The following CLMN variants were observed in gnomAD, a reference collection of about 807,000 sequenced individuals.
CLMN encodes calmin (calponin-like, transmembrane).
Under a neutral mutation model 92.7 loss-of-function variants are expected in CLMN, and 57 were observed. That is an observed-to-expected ratio of 0.61 (90% CI 0.50 to 0.77). The LOEUF (loss-of-function observed/expected upper bound fraction) is 0.77, where lower values mean the gene tolerates loss of function less well. Ranked by LOEUF, CLMN falls within the 30% of genes least tolerant of loss-of-function variation. The pLI is 0.00. For missense variants in CLMN, 1,158 were observed against 1,237.5 expected (o/e 0.94, Z 0.96); for synonymous variants, 466 against 470.6 (o/e 0.99, Z 0.13).
chr14:95,308,986 C>T (rs916683203), intron 1 of CLMN, among the ~76,000 whole-genome samples: 32 of 152,066 alleles, frequency 2.1e-4, no homozygotes, highest in Admixed American at 1.2e-3. Context: ...TTACTGGTTT[C>T]GTAAACCTAC....
intron 1 of CLMN, among the ~76,000 whole-genome samples, chr14:95,235,813 G>C (rs996795926): frequency 8.5e-5 from 13 of 152,176 alleles, no homozygotes; most frequent in African/African-American, 2.9e-4. Flanking sequence ...GCTTGGGAGA[G>C]GGGAGGGAGA....
At chr14:95,245,249 TA>T (rs1898487041) in intron 1 of CLMN, among the ~76,000 whole-genome samples, 2 of 36,940 alleles carry the variant, frequency 5.4e-5, no homozygotes, top group Non-Finnish European at 4.1e-5. Flanking sequence ...TATATATATA[TA>T]TATAATATAT....
chr14:95,226,390 T>C lies in CLMN; in HGVS notation c.145-2535A>G, dbSNP rs377304071. ...AGATGCAGTTTTTTTTTTCTGAATA[T>C]TTTTTATCTGCTGTTGGTTGAAGCC... On this transcript the variant is annotated intron_variant, in intron 2 of 12. Coordinates refer to ENST00000298912, the MANE Select transcript of CLMN (RefSeq NM_024734.4). 7.9e-5 allele frequency among the ~76,000 whole-genome samples: 12 copies of C among 152,232 alleles called. No individual in the cohort carries two copies. In the South Asian group the frequency reaches 1.5e-3, roughly 18 times the overall value.
chr14:95,243,868 A>G (rs1354420862), intron 1 of CLMN, among the ~76,000 whole-genome samples: 1 of 152,096 alleles, frequency 6.6e-6, no homozygotes, highest in African/African-American at 2.4e-5. Flanking sequence ...ATCTCATGTC[A>G]AATTGTGATC....
Position 95,203,450 on chromosome 14 carries a change from C to T in CLMN, c.1899G>A (p.Gln633=), listed in dbSNP as rs776931539. ...QVKMDKHEPH[Q]DSGEEAEGCP... is the part of the protein sequence containing the mutation. ...AGCCTTCAGCTTCTTCTCCGGAGTC[C>T]TGATGAGGTTCATGTTTGTCCATCT... Residue 633 remains glutamine, a synonymous_variant, in exon 9 of 13, where the codon CAG becomes CAA. Transcript: ENST00000298912. The T allele has an allele frequency of 3.1e-6, 5 of 1,614,042 alleles. No homozygotes were observed. The Admixed American group carries it at 6.7e-5, about 22-fold the overall frequency.
intron 1 of CLMN, among the ~76,000 whole-genome samples, chr14:95,307,221 C>G (rs1901324738): frequency 6.6e-6 from 1 of 152,208 alleles, no homozygotes; most frequent in Non-Finnish European, 1.5e-5. Context: ...AAATCCAACT[C>G]TGCCAAACCC....
rs148364081 is a variant in CLMN at position 95,313,690 on chromosome 14, T to C, written c.82+6021A>G. On this transcript the variant is annotated intron_variant, in intron 1 of 12. Coordinates refer to ENST00000298912, the MANE Select transcript of CLMN (RefSeq NM_024734.4). ...AAGAAAAAAAATTTATAAAAAGGTT[T>C]CTATGGGAACAGGGAGTTCACTTTT... is the stretch of plus-strand genomic sequence containing the variant. Among the ~76,000 whole-genome samples, 749 of 151,884 alleles carry C rather than the reference T, an allele frequency of 4.9e-3. 7 individuals are homozygous for C. Among genetic ancestry groups the C allele is most frequent in the African/African-American group, 0.013 (527 of 41,478 alleles).
rs1396833820 is a variant in CLMN at position 95,259,614 on chromosome 14, G to A, written c.83-29481C>T. Among the ~76,000 whole-genome samples, 2 of 152,106 alleles carry A rather than the reference G, an allele frequency of 1.3e-5. No individual in the cohort carries two copies. Among genetic ancestry groups the A allele is most frequent in the African/African-American group, 4.8e-5 (2 of 41,398 alleles). ...ATCCTGTTTTTGTGCCTGGTTGGGG[G>A]CTAGGAGAGGAGATCACTTGCACAG... On this transcript the variant is annotated intron_variant, in intron 1 of 12. Coordinates refer to ENST00000298912, the MANE Select transcript of CLMN (RefSeq NM_024734.4). This position sits in a 1 kb window ranked among gnomAD's most constrained non-coding sequence, Gnocchi z 4.3.
In CLMN at chr14:95,245,183, TA is replaced by T. The variant is rs1185949186; in HGVS notation, c.83-15051del. On this transcript the variant is annotated intron_variant, in intron 1 of 12. Coordinates refer to ENST00000298912, the MANE Select transcript of CLMN (RefSeq NM_024734.4). ...ACTGTAACTGGTTATATTATATATA[TA>T]TATATATATAATATATATATATATT... Among the ~76,000 whole-genome samples the T allele has an allele frequency of 3.9e-3, 164 of 42,238 alleles. 3 individuals carry two copies. Among genetic ancestry groups the T allele is most frequent in the African/African-American group, 0.017 (156 of 8,928 alleles). The allele number at this position is 42,238 out of a possible 152,430, so 27.7% of individuals were successfully genotyped here.
In CLMN at chr14:95,202,399, G is replaced by A. The variant is rs80112983; in HGVS notation, c.2511+439C>T. On this transcript the variant is annotated intron_variant, in intron 9 of 12. Coordinates refer to ENST00000298912, the MANE Select transcript of CLMN (RefSeq NM_024734.4). The stretch of plus-strand genomic sequence containing the variant: ...GCACTAATATTTGGTTTCTGTGTTA[G>A]AAATGTGTGTGTAACAGGATAAGGG... Among the ~76,000 whole-genome samples the A allele has an allele frequency of 3.0e-4, 45 of 152,320 alleles. 1 individual carries two copies. In the East Asian group the frequency reaches 8.7e-3, roughly 29 times the overall value.
chr14:95,304,384 A>C (rs527894412), intron 1 of CLMN, among the ~76,000 whole-genome samples: 1 of 152,180 alleles, frequency 6.6e-6, no homozygotes, highest in South Asian at 2.1e-4. Flanking sequence ...CAGTGACAGC[A>C]AGGAAGGATG....
At position 95,191,431 on chromosome 14, in the gene CLMN, C is replaced by T. The variant is rs1212525055; in HGVS notation, c.*133G>A. ...GAAAAAAAAAAAAAAACCACAATAG[C>T]GAGAAAGGGGGTCTAAGTTTCCTCG... On this transcript the variant is annotated 3_prime_UTR_variant, in exon 13 of 13. Coordinates refer to ENST00000298912, the MANE Select transcript of CLMN (RefSeq NM_024734.4). The surrounding 1 kb of genome is among the most constrained non-coding windows in gnomAD (Gnocchi z 5.3). The T allele has an allele frequency of 3.9e-6, 2 of 514,382 alleles. No homozygotes were observed. Among genetic ancestry groups the T allele is most frequent in the Admixed American group, 4.1e-5 (1 of 24,654 alleles). The allele number at this position is 514,382 out of a possible 1,614,324, so 31.9% of individuals were successfully genotyped here.
rs552692056 is a variant in CLMN at position 95,258,435 on chromosome 14, G to A, written c.83-28302C>T. Among the ~76,000 whole-genome samples the A allele has an allele frequency of 2.0e-5, 3 of 150,774 alleles. No homozygotes were observed. In the South Asian group the frequency reaches 6.3e-4, roughly 32 times the overall value. Reference sequence around the variant, plus strand: ...GTGTGTGTAGAGGATGTGTTTGTATGTGTGGTGTGGTTGTGTGTGGAGGGT... The same window carrying A: ...GTGTGTGTAGAGGATGTGTTTGTATATGTGGTGTGGTTGTGTGTGGAGGGT... On this transcript the variant is annotated intron_variant, in intron 1 of 12. Coordinates refer to ENST00000298912, the MANE Select transcript of CLMN (RefSeq NM_024734.4).
chr14:95,319,611 C>G, intron 1 of CLMN, 100 bp downstream of exon 1: 1 of 964,858 alleles, frequency 1.0e-6, no homozygotes, highest in Non-Finnish European at 1.5e-6. Context: ...AACGAGCGGC[C>G]GGCGAGCGGG....
intron 1 of CLMN, among the ~76,000 whole-genome samples, chr14:95,238,869 T>C (rs1314299794): frequency 6.6e-6 from 1 of 152,180 alleles, no homozygotes; most frequent in Non-Finnish European, 1.5e-5. Flanking sequence ...ATGCCCCGCT[T>C]CTCAGCTGCT....
intron 1 of CLMN, among the ~76,000 whole-genome samples, chr14:95,233,317 C>T (rs1897946880): frequency 6.6e-6 from 1 of 151,976 alleles, no homozygotes; most frequent in South Asian, 2.1e-4. Context: ...TCCATCCATC[C>T]ATCATCCCTC....
intron 1 of CLMN, among the ~76,000 whole-genome samples, chr14:95,240,062 T>G (rs1044534517): frequency 2.6e-5 from 4 of 152,340 alleles, no homozygotes; most frequent in South Asian, 2.1e-4. Flanking sequence ...CTAGGAGCAA[T>G]AGGCTGCACC....
In CLMN at chr14:95,202,316, T is replaced by G. The variant is rs1212879235; in HGVS notation, c.2511+522A>C. ...TCTCATTGTGGTTTTGATTTGCATT[T>G]CTCTAATGATCAGTGATGGTGAGCT... On this transcript the variant is annotated intron_variant, in intron 9 of 12. Transcript: ENST00000298912. Among the ~76,000 whole-genome samples, 4 of 152,236 alleles carry G rather than the reference T, an allele frequency of 2.6e-5. No homozygotes were observed. In the East Asian group the frequency reaches 7.7e-4, roughly 29 times the overall value.
Position 95,203,235 on chromosome 14 carries a change from T to A in CLMN, c.2114A>T (p.Glu705Val). 1 of 1,613,864 alleles carries A rather than the reference T, an allele frequency of 6.2e-7. No individual in the cohort carries two copies. The highest frequency in any genetic ancestry group is 8.5e-7 in the Non-Finnish European group (1 of 1,180,000). Residue 705 changes from glutamate (E) to valine (V), a missense_variant, in exon 9 of 13, where the codon GAA (glutamate) becomes GTA (valine). Glu to Val is a moderately radical substitution (Grantham distance 121). Coordinates refer to ENST00000298912, the MANE Select transcript of CLMN (RefSeq NM_024734.4). ...VSLETLGSHS[E>V]EGLDFKPSPP... is the part of the protein sequence containing the mutation. ...GGAGGGCTTGAAATCCAGGCCTTCT[T>A]CGCTGTGACTCCCAAGGGTCTCCAA...
Sources: gnomAD v4.1 joint callset for allele counts (sites outside exome capture counted in the v4.1 genomes callset) on GRCh38, gnomAD v4.1.1 for gene constraint, Gnocchi (gnomAD v3.1) non-coding constraint, MANE v1.5 for transcripts, NCBI Gene and HGNC (gene_info 2026-07-23, HGNC 2026-07-21) for gene names.